QTMAN: variants seen among roughly 807,000 people sequenced by gnomAD.
The protein encoded by QTMAN is queuosine-tRNA mannosyltransferase.
chr2:143,995,062 G>C, the QTMAN span, among the ~76,000 whole-genome samples: 1 of 152,026 alleles, frequency 6.6e-6, no homozygotes, highest in East Asian at 1.9e-4. Flanking sequence ...AATAATTTGT[G>C]ATATTTACAG....
chr2:144,005,231 C>T, the QTMAN span, among the ~76,000 whole-genome samples: 3 of 152,022 alleles, frequency 2.0e-5, no homozygotes, highest in Non-Finnish European at 4.4e-5. Flanking sequence ...TCTATATGAG[C>T]ATAAAGTGCT....
chr2:143,995,733 T>C, the QTMAN span, among the ~76,000 whole-genome samples: 2 of 152,172 alleles, frequency 1.3e-5, no homozygotes, highest in Admixed American at 6.5e-5. Flanking sequence ...GCTTAAAATA[T>C]ATTTTAAACC....
the QTMAN span, among the ~76,000 whole-genome samples, chr2:144,153,506 G>C: frequency 3.9e-5 from 6 of 151,972 alleles, no homozygotes; most frequent in Non-Finnish European, 7.4e-5. Flanking sequence ...TCAGGAGATC[G>C]AGACCATCTT....
the QTMAN span, among the ~76,000 whole-genome samples, chr2:144,158,476 A>ATGTG: frequency 6.6e-6 from 1 of 151,694 alleles, no homozygotes; most frequent in African/African-American, 2.4e-5. Context: ...CTGTGTGTGG[A>ATGTG]TGTGTGTGTG....
the QTMAN span, among the ~76,000 whole-genome samples, chr2:144,233,054 A>G: frequency 1.3e-5 from 2 of 152,196 alleles, no homozygotes; most frequent in East Asian, 3.8e-4. Flanking sequence ...AAAAGTGAGT[A>G]TTCAATTTGT....
At chr2:144,278,035 G>A in the QTMAN span, among the ~76,000 whole-genome samples, 9 of 152,318 alleles carry the variant, frequency 5.9e-5, no homozygotes, top group African/African-American at 2.2e-4. Context: ...ATCCACCAAT[G>A]ATGGCAGGCG....
chr2:144,164,681 T>C, the QTMAN span, among the ~76,000 whole-genome samples: 94 of 152,288 alleles, frequency 6.2e-4, no homozygotes, highest in Middle Eastern at 3.4e-3. Context: ...TGAAAGAACA[T>C]TCTGTCAGTC....
chr2:143,988,736 A>C, the QTMAN span, among the ~76,000 whole-genome samples: 1 of 152,218 alleles, frequency 6.6e-6, no homozygotes, highest in African/African-American at 2.4e-5. Flanking sequence ...GCTGCACAGA[A>C]TGTGCTCAAA....
At chr2:144,313,747 A>G in the QTMAN span, among the ~76,000 whole-genome samples, 3 of 151,714 alleles carry the variant, frequency 2.0e-5, no homozygotes, top group Admixed American at 6.6e-5. Context: ...ATAATTTCAT[A>G]TATACTTAAT....
the QTMAN span, among the ~76,000 whole-genome samples, chr2:144,299,749 C>T: frequency 0.01 from 1,536 of 152,276 alleles, 11 homozygotes; most frequent in Middle Eastern, 0.024. Context: ...AAACTATGAT[C>T]CAGCAATTCC....
chr2:144,229,380 A>G, the QTMAN span, among the ~76,000 whole-genome samples: 1 of 152,218 alleles, frequency 6.6e-6, no homozygotes, highest in Non-Finnish European at 1.5e-5. Context: ...TTCCAAAAAC[A>G]TTTGAGTTCC....
the QTMAN span, among the ~76,000 whole-genome samples, chr2:144,058,815 T>C: frequency 6.6e-6 from 1 of 152,164 alleles, no homozygotes; most frequent in African/African-American, 2.4e-5. Flanking sequence ...CTTCTTCCCT[T>C]CTTCTTAGCC....
At chr2:143,942,437 C>T in the QTMAN span, 1 of 167,492 alleles carries the variant, frequency 6.0e-6, no homozygotes, top group African/African-American at 2.4e-5. Flanking sequence ...CGATTCGCTC[C>T]TGCGTCTTAA....
the QTMAN span, among the ~76,000 whole-genome samples, chr2:144,013,426 G>T: frequency 6.6e-6 from 1 of 152,130 alleles, no homozygotes; most frequent in Non-Finnish European, 1.5e-5. Flanking sequence ...AGCCAGATGG[G>T]CGGTGGCATA....
chr2:144,229,607 AG>A, the QTMAN span, among the ~76,000 whole-genome samples: 1 of 152,214 alleles, frequency 6.6e-6, no homozygotes, highest in African/African-American at 2.4e-5. Flanking sequence ...CTGCTTCTAA[AG>A]GATCTTAGCA....
the QTMAN span, among the ~76,000 whole-genome samples, chr2:143,962,419 T>C: frequency 2.6e-5 from 4 of 152,114 alleles, no homozygotes. Context: ...GGAACTAGCC[T>C]AGGGTGAGAT....
At chr2:144,154,591 A>G in the QTMAN span, among the ~76,000 whole-genome samples, 3 of 152,330 alleles carry the variant, frequency 2.0e-5, no homozygotes, top group East Asian at 5.8e-4. Context: ...ATGAGAGGAA[A>G]TACACTGGAG....
At chr2:144,225,730 T>C in the QTMAN span, among the ~76,000 whole-genome samples, 53 of 152,220 alleles carry the variant, frequency 3.5e-4, no homozygotes, top group African/African-American at 1.2e-3. Context: ...CGTGAAGACT[T>C]AGTCAATTAC....
the QTMAN span, among the ~76,000 whole-genome samples, chr2:144,307,188 T>TAAAAAAAAAAAAA: frequency 3.7e-5 from 3 of 81,260 alleles, no homozygotes; most frequent in Non-Finnish European, 5.3e-5. Context: ...AAAAAACAAT[T>TAAAAAAAAAAAAA]AAAAAAAAAA....
Sources: gnomAD v4.1 joint callset for allele counts (sites outside exome capture counted in the v4.1 genomes callset) on GRCh38, gnomAD v4.1.1 for gene constraint, MANE v1.5 for transcripts, NCBI Gene and HGNC (gene_info 2026-07-23, HGNC 2026-07-21) for gene names.